VWA8: variants seen among roughly 807,000 people sequenced by gnomAD.
VWA8 encodes von Willebrand factor A domain containing 8, also known as von Willebrand factor A domain-containing protein 8.
In VWA8, 221 loss-of-function variants were observed where a neutral mutation model predicts 241.5. The observed-to-expected ratio is 0.91, with a 90% CI of 0.82 to 1.02. VWA8 has a LOEUF of 1.02. Ranked by LOEUF, VWA8 falls within the 50% of genes least tolerant of loss-of-function variation. The pLI, the probability that VWA8 is intolerant of heterozygous loss-of-function variation, is 0.00. For synonymous variants in VWA8, 852 were observed against 827.1 expected, an observed-to-expected ratio of 1.03 and a Z score of -0.52; for missense variants, 2,322 against 2,328.7, an observed-to-expected ratio of 1.00 and a Z score of 0.06.
intron 19 of VWA8, among the ~76,000 whole-genome samples, chr13:41,781,329 T>G (rs1868876744): frequency 6.6e-6 from 1 of 152,154 alleles, no homozygotes; most frequent in African/African-American, 2.4e-5. Context: ...TTGTCTCATA[T>G]AACTAAGTCT....
chr13:41,634,251 T>C (rs913153728), intron 37 of VWA8, among the ~76,000 whole-genome samples: 1 of 152,166 alleles, frequency 6.6e-6, no homozygotes, highest in Non-Finnish European at 1.5e-5. Flanking sequence ...CCAGAGCCTG[T>C]ACTATCCTCT....
intron 5 of VWA8, 115 bp downstream of exon 5, chr13:41,891,305 A>G: frequency 7.9e-7 from 1 of 1,265,004 alleles, no homozygotes; most frequent in South Asian, 1.5e-5. Context: ...TTTACCCAAG[A>G]TAAGGGCCAT....
intron 14 of VWA8, among the ~76,000 whole-genome samples, chr13:41,823,701 T>C (rs1871060684): frequency 1.3e-5 from 2 of 152,100 alleles, no homozygotes; most frequent in Non-Finnish European, 2.9e-5. Flanking sequence ...TCTTGTAATA[T>C]GAGAAAAGAA....
chr13:41,691,758 T>G, intron 31 of VWA8, 116 bp downstream of exon 31: 2 of 863,334 alleles, frequency 2.3e-6, no homozygotes, highest in Non-Finnish European at 3.6e-6. Flanking sequence ...TACTTTATAT[T>G]AAAACATTCA....
chr13:41,824,540 T>C (rs1165242876), intron 14 of VWA8, among the ~76,000 whole-genome samples: 1 of 151,996 alleles, frequency 6.6e-6, no homozygotes, highest in Non-Finnish European at 1.5e-5. Flanking sequence ...GAATGCTCAG[T>C]ATATTGGATG....
intron 17 of VWA8, among the ~76,000 whole-genome samples, chr13:41,798,184 G>A (rs191735830): frequency 6.6e-4 from 101 of 152,170 alleles, no homozygotes; most frequent in African/African-American, 2.3e-3. Flanking sequence ...GCTTCACCCT[G>A]TTGTTAAATA....
At chr13:41,910,009 G>C (rs1473791078) in intron 3 of VWA8, among the ~76,000 whole-genome samples, 1 of 152,186 alleles carries the variant, frequency 6.6e-6, no homozygotes, top group Non-Finnish European at 1.5e-5. Flanking sequence ...AGTACTCACT[G>C]CAAGGAGGCT....
At chr13:41,585,082 TA>T (rs60095224) in intron 42 of VWA8, among the ~76,000 whole-genome samples, 195 of 145,634 alleles carry the variant, frequency 1.3e-3, no homozygotes, top group Middle Eastern at 3.6e-3. Context: ...TAACTGTCAA[TA>T]AAAAAAAAAA....
At chr13:41,815,821 T>A (rs767360157) in intron 16 of VWA8, among the ~76,000 whole-genome samples, 6 of 152,224 alleles carry the variant, frequency 3.9e-5, no homozygotes, top group Admixed American at 1.3e-4. Context: ...CAAGAGGATA[T>A]AATATTCCAG....
chr13:41,951,612 A>G (rs143758289), intron 1 of VWA8, among the ~76,000 whole-genome samples: 2 of 152,300 alleles, frequency 1.3e-5, no homozygotes, highest in East Asian at 3.9e-4. Context: ...TGGTGATACC[A>G]TTTGCATCTA....
chr13:41,912,551 T>C (rs1876061708), intron 2 of VWA8, among the ~76,000 whole-genome samples: 1 of 152,162 alleles, frequency 6.6e-6, no homozygotes. Context: ...ACTGATTTGA[T>C]TAATCACAAT....
At chr13:41,775,512 C>T (rs1868551838) in intron 20 of VWA8, among the ~76,000 whole-genome samples, 1 of 152,150 alleles carries the variant, frequency 6.6e-6, no homozygotes, top group Non-Finnish European at 1.5e-5. Context: ...CCTTGCTCTT[C>T]GTGGGGATCT....
intron 20 of VWA8, among the ~76,000 whole-genome samples, chr13:41,767,139 A>G (rs2045784378): frequency 6.6e-6 from 1 of 152,192 alleles, no homozygotes; most frequent in Non-Finnish European, 1.5e-5. Context: ...TTCAGTTTGT[A>G]TAATAGAGAT....
Position 41,699,143 on chromosome 13 carries a change from A to G in VWA8, c.3492T>C (p.Val1164=). The change falls in exon 29 of 45, where the codon GTT becomes GTC. Residue 1164 remains valine, a synonymous_variant. Coordinates refer to ENST00000379310, the MANE Select transcript of VWA8 (RefSeq NM_015058.2). ...GTGCCACTGTCACAAAAGGGTGCCA[A>G]ACGCCATTGGCTGTTCTTGGGAAGA... ...FDIFPRTANG[V]WHPFVTVAPL... is the part of the protein sequence containing the mutation. 1 of 1,614,146 alleles carries G rather than the reference A, an allele frequency of 6.2e-7. No individual in the cohort carries two copies. Among genetic ancestry groups the G allele is most frequent in the African/African-American group, 1.3e-5 (1 of 75,056 alleles).
At chr13:41,647,074 CCT>C (rs1220181016) in intron 37 of VWA8, among the ~76,000 whole-genome samples, 1 of 152,178 alleles carries the variant, frequency 6.6e-6, no homozygotes, top group African/African-American at 2.4e-5. Flanking sequence ...GGCTTCAGTA[CCT>C]TACCTTTTCC....
intron 2 of VWA8, among the ~76,000 whole-genome samples, chr13:41,915,312 T>A (rs1186272121): frequency 6.6e-6 from 1 of 152,228 alleles, no homozygotes; most frequent in Non-Finnish European, 1.5e-5. Flanking sequence ...CTAGTCTCAG[T>A]CCTTCCTTTA....
chr13:41,727,280 A>G lies in VWA8; in HGVS notation c.2672T>C (p.Val891Ala). ...CATCCTAAAATCAGGATGAATCACTACAACATTTTCTCTTCCATTCACATT... is the reference window on the plus strand; with the variant it reads ...CATCCTAAAATCAGGATGAATCACTGCAACATTTTCTCTTCCATTCACATT... ...SANVNGRENV[V>A]VIHPDFRMIV... Residue 891 changes from valine to alanine, a missense_variant, in exon 24 of 45, where the codon GTA (valine) becomes GCA (alanine). Coordinates refer to ENST00000379310, the MANE Select transcript of VWA8 (RefSeq NM_015058.2). 6.4e-7 allele frequency: 1 copy of G among 1,559,878 alleles called. No homozygotes were observed. The highest frequency in any genetic ancestry group is 8.7e-7 in the Non-Finnish European group (1 of 1,151,592).
At chr13:41,742,316 C>G (rs961319589) in intron 21 of VWA8, among the ~76,000 whole-genome samples, 1 of 152,178 alleles carries the variant, frequency 6.6e-6, no homozygotes, top group Non-Finnish European at 1.5e-5. Context: ...TATCAAACAT[C>G]CACCATACTC....
At position 41,691,922 on chromosome 13, in the gene VWA8, C is replaced by G; in HGVS notation, c.3692G>C (p.Cys1231Ser). The G allele has an allele frequency of 6.2e-7, 1 of 1,609,294 alleles. No homozygotes were observed. The highest frequency in any genetic ancestry group is 1.7e-4 in the Middle Eastern group (1 of 6,042). ...NKEEAETYKM[C>S]KEFSHKNWLV... ...CCAGTTTTTGTGTGAAAATTCTTTACACATTTTATAAGTTTCCTAAAGACA... is the reference window on the plus strand; with the variant it reads ...CCAGTTTTTGTGTGAAAATTCTTTAGACATTTTATAAGTTTCCTAAAGACA... Residue 1231 changes from cysteine to serine, a missense_variant, in exon 31 of 45, where the codon TGT (cysteine) becomes TCT (serine). Physicochemically the swap from Cys to Ser is moderately radical, Grantham distance 112. Coordinates refer to ENST00000379310, the MANE Select transcript of VWA8 (RefSeq NM_015058.2).
Sources: gnomAD v4.1 joint callset for allele counts (sites outside exome capture counted in the v4.1 genomes callset) on GRCh38, gnomAD v4.1.1 for gene constraint, MANE v1.5 for transcripts, NCBI Gene and HGNC (gene_info 2026-07-23, HGNC 2026-07-21) for gene names.